Variants in CUTC observed in about 807,000 individuals in gnomAD.
CUTC encodes the protein cutC copper transporter.
In CUTC, 27 loss-of-function variants were observed where a neutral mutation model predicts 36.2. That is an observed-to-expected ratio of 0.75 (90% CI 0.55 to 1.03). The LOEUF is 1.03. Ranked by LOEUF, CUTC falls within the 50% of genes least tolerant of loss-of-function variation. CUTC has a pLI of 0.00. For synonymous variants in CUTC, 114 were observed against 118.3 expected (o/e 0.96, Z 0.24); for missense variants, 315 against 343.5 (o/e 0.92, Z 0.66).
chr10:99,752,730 A>G (rs571005388), intron 7 of CUTC, among the ~76,000 whole-genome samples: 3 of 152,374 alleles, frequency 2.0e-5, no homozygotes, highest in African/African-American at 7.2e-5. Flanking sequence ...AAGATGTTAC[A>G]TACAAAAATA....
intron 1 of CUTC, among the ~76,000 whole-genome samples, chr10:99,735,247 G>A (rs2037287340): frequency 6.6e-6 from 1 of 151,966 alleles, no homozygotes; most frequent in Non-Finnish European, 1.5e-5. Context: ...CTCATGAAGA[G>A]TTAAATGAGT....
chr10:99,743,770 AT>A (rs1482110712), intron 4 of CUTC, among the ~76,000 whole-genome samples: 3 of 152,242 alleles, frequency 2.0e-5, no homozygotes, highest in Non-Finnish European at 4.4e-5. Context: ...AGGGACAAGT[AT>A]TAGATGTAAT....
Position 99,744,075 on chromosome 10 carries a change from G to A in CUTC, c.439+3G>A. ...TCTGCCAGTCACTTTCCACCGAGGT[G>A]AGTCATTTTCATTTTAAAAGTTCTA... On this transcript the variant is annotated splice_donor_region_variant and intron_variant, in intron 5 of 8. Transcript: ENST00000370476. 6.2e-7 allele frequency: 1 copy of A among 1,610,936 alleles called. No individual in the cohort carries two copies.
At chr10:99,749,552 GT>G (rs1021574671) in intron 6 of CUTC, among the ~76,000 whole-genome samples, 5 of 152,002 alleles carry the variant, frequency 3.3e-5, no homozygotes, top group Non-Finnish European at 5.9e-5. Flanking sequence ...ATTTCTCTAT[GT>G]TTTGGAAAGC....
At chr10:99,732,672 T>G in intron 1 of CUTC, 1 of 1,351,968 alleles carries the variant, frequency 7.4e-7, no homozygotes, top group Non-Finnish European at 9.5e-7. Flanking sequence ...TTGTGCAAGT[T>G]GGTTAACTTC....
At chr10:99,745,873 A>G (rs1054976786) in intron 5 of CUTC, among the ~76,000 whole-genome samples, 1 of 152,242 alleles carries the variant, frequency 6.6e-6, no homozygotes, top group Non-Finnish European at 1.5e-5. Flanking sequence ...AAAAAAAAGT[A>G]GGTTGGAAGT....
chr10:99,732,297 G>A lies in CUTC; in HGVS notation c.-52G>A, dbSNP rs2037200762. 7 of 1,549,000 alleles carry A rather than the reference G, an allele frequency of 4.5e-6. No individual in the cohort carries two copies. Among genetic ancestry groups the A allele is most frequent in the Middle Eastern group, 3.6e-4 (2 of 5,522 alleles). On this transcript the variant is annotated 5_prime_UTR_variant, in exon 1 of 9. Transcript: ENST00000370476. ...CGCTTCTTAGCTGGTGCGCGCCGGA[G>A]CCCAAATTCCAAGTGGAAACTGCAG...
intron 8 of CUTC, 27 bp from the exon 9 acceptor site, chr10:99,755,598 T>C (rs1234571858): frequency 1.4e-6 from 2 of 1,450,500 alleles, no homozygotes; most frequent in Admixed American, 3.4e-5. Flanking sequence ...AACATAATTA[T>C]CTGTTCCTTT....
chr10:99,736,521 G>A (rs1021799873), intron 2 of CUTC, among the ~76,000 whole-genome samples: 2 of 152,094 alleles, frequency 1.3e-5, no homozygotes, highest in Non-Finnish European at 2.9e-5. Flanking sequence ...GTCAAGTGTC[G>A]ACAATAGTAC....
chr10:99,739,917 C>G, intron 3 of CUTC, 148 bp downstream of exon 3: 1 of 662,224 alleles, frequency 1.5e-6, no homozygotes, highest in Non-Finnish European at 2.5e-6. Flanking sequence ...GTAAAAAAAT[C>G]AAAGATTTGA....
At chr10:99,746,590 C>T (rs1189711556) in intron 5 of CUTC, among the ~76,000 whole-genome samples, 6 of 151,906 alleles carry the variant, frequency 3.9e-5, no homozygotes, top group African/African-American at 1.5e-4. Context: ...CATTTCTTAT[C>T]TGCATTTAAG....
Position 99,755,794 on chromosome 10 carries a change from G to C in CUTC, c.*55G>C. On this transcript the variant is annotated 3_prime_UTR_variant, in exon 9 of 9. Coordinates refer to ENST00000370476, the MANE Select transcript of CUTC (RefSeq NM_015960.3). ...CAGGATGAAGGTAGAACTATAATCTGCAATTCTCTATGACACAGCTTTAAC... is the reference window on the plus strand; with the variant it reads ...CAGGATGAAGGTAGAACTATAATCTCCAATTCTCTATGACACAGCTTTAAC... 1 of 1,157,014 alleles carries C rather than the reference G, an allele frequency of 8.6e-7. No homozygotes were observed. Among genetic ancestry groups the C allele is most frequent in the South Asian group, 1.3e-5 (1 of 78,638 alleles). 71.7% of individuals were successfully genotyped at this position (1,157,014 alleles called of 1,614,324 possible).
intron 1 of CUTC, among the ~76,000 whole-genome samples, chr10:99,735,981 A>G (rs567700632): frequency 2.0e-5 from 3 of 152,354 alleles, no homozygotes; most frequent in South Asian, 2.1e-4. Flanking sequence ...GATGAGGTCT[A>G]TGTTTTAGGA....
chr10:99,737,818 A>C (rs1043730798), intron 2 of CUTC, among the ~76,000 whole-genome samples: 1 of 151,594 alleles, frequency 6.6e-6, no homozygotes, highest in African/African-American at 2.4e-5. Flanking sequence ...CCCAGACATC[A>C]TGTTAATTTT....
intron 6 of CUTC, among the ~76,000 whole-genome samples, chr10:99,748,540 A>G (rs2037395938): frequency 6.6e-6 from 1 of 152,208 alleles, no homozygotes; most frequent in Admixed American, 6.5e-5. Flanking sequence ...GTGTGTAGTC[A>G]CTATCCTTAC....
rs374309470 is a variant in CUTC, at chr10:99,742,139, A to G, written c.194-1014A>G. 1.4e-4 allele frequency among the ~76,000 whole-genome samples: 21 copies of G among 152,182 alleles called. No individual in the cohort carries two copies. The East Asian group carries it at 1.5e-3, about 11-fold the overall frequency. On this transcript the variant is annotated intron_variant, in intron 3 of 8. Transcript: ENST00000370476. ...ACTTCATTGTTTACCATTTTCAAGG[A>G]TCATTGCCCTTCACTGCTTAATGTC...
chr10:99,744,397 G>A (rs1309340492), intron 5 of CUTC, among the ~76,000 whole-genome samples: 1 of 152,194 alleles, frequency 6.6e-6, no homozygotes, highest in East Asian at 1.9e-4. Context: ...AACTGAGACT[G>A]TATTAGGTCA....
At position 99,736,334 on chromosome 10, in the gene CUTC, A is replaced by G; in HGVS notation, c.133+17A>G. The G allele has an allele frequency of 6.3e-7, 1 of 1,589,968 alleles. No individual in the cohort carries two copies. The highest frequency in any genetic ancestry group is 8.6e-7 in the Non-Finnish European group (1 of 1,158,066). Reference sequence around the variant, plus strand: ...AAAGAGGAGGTAAGAGAAATCAGATAGTGAATGACCGTTGGCTACCCTTTT... The same window carrying G: ...AAAGAGGAGGTAAGAGAAATCAGATGGTGAATGACCGTTGGCTACCCTTTT... On this transcript the variant is annotated intron_variant, in intron 2 of 8. Coordinates refer to ENST00000370476, the MANE Select transcript of CUTC (RefSeq NM_015960.3).
chr10:99,737,295 T>G (rs552706737), intron 2 of CUTC, among the ~76,000 whole-genome samples: 1 of 152,104 alleles, frequency 6.6e-6, no homozygotes, highest in Non-Finnish European at 1.5e-5. Context: ...AAAAAAATCC[T>G]TCTTACTTTG....
Sources: gnomAD v4.1 joint callset for allele counts (sites outside exome capture counted in the v4.1 genomes callset) on GRCh38, gnomAD v4.1.1 for gene constraint, MANE v1.5 for transcripts, NCBI Gene and HGNC (gene_info 2026-07-23, HGNC 2026-07-21) for gene names.